NOPCHAP1: variants seen among roughly 807,000 people sequenced by gnomAD.
The protein encoded by NOPCHAP1 is DNA damage-sensitive RNA 1.
Under a neutral mutation model 14.0 loss-of-function variants are expected in NOPCHAP1, and 13 were observed. That is an observed-to-expected ratio of 0.93 (90% CI 0.60 to 1.47). The LOEUF (loss-of-function observed/expected upper bound fraction) is 1.47. NOPCHAP1 is among the 40% of genes most tolerant of loss of function. The probability of loss-of-function intolerance (pLI) is 0.00; values close to 1 mark genes in which losing one functional copy is unlikely to be tolerated. For missense variants in NOPCHAP1, 230 were observed against 226.9 expected (o/e 1.01, Z -0.09); for synonymous variants, 78 against 78.4 (o/e 1.00, Z 0.03).
chr12:105,015,632 C>T lies in NOPCHAP1; in HGVS notation c.*20936C>T, dbSNP rs1873929473. ...CTGGGATGTGAATTGTCCTTTTGTC[C>T]TGCTTATGCACGCTGTATATGTTAC... On this transcript the variant is annotated 3_prime_UTR_variant, in exon 4 of 4. Coordinates refer to ENST00000552951, the MANE Select transcript of NOPCHAP1 (RefSeq NM_152318.3). 1 of 152,218 alleles carries T rather than the reference C, an allele frequency of 6.6e-6. No individual in the cohort carries two copies. The highest frequency in any genetic ancestry group is 1.5e-5 in the Non-Finnish European group (1 of 68,060). The allele number at this position is 152,218 out of a possible 1,614,324, so 9.4% of individuals were successfully genotyped here. A position where few individuals can be genotyped will look rare whatever the true frequency, so the allele number is the denominator to read the frequency against.
chr12:104,986,564 C>T lies in NOPCHAP1; in HGVS notation c.115+97C>T. 5.8e-6 allele frequency: 6 copies of T among 1,025,776 alleles called. No homozygotes were observed. The South Asian group carries it at 1.0e-4, about 17-fold the overall frequency. The allele number at this position is 1,025,776 out of a possible 1,614,324, so 63.5% of individuals were successfully genotyped here. On this transcript the variant is annotated intron_variant, in intron 1 of 3. Transcript: ENST00000552951. Reference sequence around the variant, plus strand: ...GCCGGCCGGTGGCTCCCTGCCCGGGCTCCGTACCCTCGAGGGGAGCCCCGG... The same window carrying T: ...GCCGGCCGGTGGCTCCCTGCCCGGGTTCCGTACCCTCGAGGGGAGCCCCGG...
At chr12:104,989,177 A>G (rs1395799206) in intron 2 of NOPCHAP1, among the ~76,000 whole-genome samples, 2 of 152,056 alleles carry the variant, frequency 1.3e-5, no homozygotes, top group Non-Finnish European at 2.9e-5. Context: ...TTTGTTTCTA[A>G]TGGCTAATAA....
rs35941207 is a variant in NOPCHAP1, at chr12:105,013,531, GAAA to G, written c.*18838_*18840del. 1.9e-5 allele frequency: 3 copies of G among 153,920 alleles called. No homozygotes were observed. Among genetic ancestry groups the G allele is most frequent in the African/African-American group, 7.2e-5 (3 of 41,576 alleles). The allele number at this position is 153,920 out of a possible 1,614,324, so 9.5% of individuals were successfully genotyped here. A position where few individuals can be genotyped will look rare whatever the true frequency, so the allele number is the denominator to read the frequency against. On this transcript the variant is annotated 3_prime_UTR_variant, in exon 4 of 4. Transcript: ENST00000552951. The stretch of plus-strand genomic sequence containing the variant: ...GTTCCAGGCACCACTGGGGTATGAA[GAAA>G]AACTCCTGCAGCTAGCTCGGTGTTT...
At position 105,003,181 on chromosome 12, in the gene NOPCHAP1, G is replaced by A. The variant is rs950305309; in HGVS notation, c.*8485G>A. ...AGCATTTTGGATTCTTTCTTTTGTA[G>A]TGTGCCTTGCAAGTGAACAAGTTTA... On this transcript the variant is annotated 3_prime_UTR_variant, in exon 4 of 4. Transcript: ENST00000552951. 6.6e-6 allele frequency: 1 copy of A among 152,122 alleles called. No homozygotes were observed. Among genetic ancestry groups the A allele is most frequent in the Non-Finnish European group, 1.5e-5 (1 of 68,028 alleles). The allele number at this position is 152,122 out of a possible 1,614,324, so 9.4% of individuals were successfully genotyped here.
In NOPCHAP1 at chr12:105,015,101, T is replaced by C. The variant is rs187255597; in HGVS notation, c.*20405T>C. 6.6e-6 allele frequency: 1 copy of C among 152,356 alleles called. No homozygotes were observed. The highest frequency in any genetic ancestry group is 1.9e-4 in the East Asian group (1 of 5,192). 9.4% of individuals were successfully genotyped at this position (152,356 alleles called of 1,614,324 possible). On this transcript the variant is annotated 3_prime_UTR_variant, in exon 4 of 4. Transcript: ENST00000552951. ...TCCAGGTCCTTTCTGATCTTTCTTA[T>C]TGGAAATTGGAACCAGCTCTCCTTG...
Position 105,016,150 on chromosome 12 carries a change from T to A in NOPCHAP1, c.*21454T>A, listed in dbSNP as rs1213076429. ...TATCTGAAACATGACAGAGTGTCAT[T>A]AATATATCATGGGCTTTTACATTTT... is the stretch of plus-strand genomic sequence containing the variant. On this transcript the variant is annotated 3_prime_UTR_variant, in exon 4 of 4. Coordinates refer to ENST00000552951, the MANE Select transcript of NOPCHAP1 (RefSeq NM_152318.3). The A allele has an allele frequency of 1.3e-5, 2 of 152,160 alleles. No individual in the cohort carries two copies. Among genetic ancestry groups the A allele is most frequent in the African/African-American group, 4.8e-5 (2 of 41,432 alleles). 9.4% of individuals were successfully genotyped at this position (152,160 alleles called of 1,614,324 possible).
intron 3 of NOPCHAP1, among the ~76,000 whole-genome samples, chr12:104,992,786 G>A (rs923835287): frequency 5.9e-5 from 9 of 152,184 alleles, no homozygotes; most frequent in Admixed American, 1.3e-4. Flanking sequence ...GATCCAGGTT[G>A]TTGTGCGCTC....
chr12:104,988,020 G>A (rs1873279706), intron 1 of NOPCHAP1, 147 bp from the exon 2 acceptor site: 1 of 529,118 alleles, frequency 1.9e-6, no homozygotes, highest in South Asian at 3.1e-5. Context: ...ATGTTGTAAT[G>A]GAGCTTGGAG....
chr12:104,991,822 G>C lies in NOPCHAP1; in HGVS notation c.313G>C (p.Gly105Arg). The C allele has an allele frequency of 6.3e-7, 1 of 1,579,060 alleles. No individual in the cohort carries two copies. Among genetic ancestry groups the C allele is most frequent in the Non-Finnish European group, 8.6e-7 (1 of 1,157,598 alleles). The change falls in exon 3 of 4, where the codon GGG becomes CGG. Residue 105 changes from glycine (G) to arginine (R), a missense_variant. Transcript: ENST00000552951. ...TCGTTTCAATATTGAAAACATTGATGGGCCTCATAGTAAAGTTATACAAAT... is the reference window on the plus strand; with the variant it reads ...TCGTTTCAATATTGAAAACATTGATCGGCCTCATAGTAAAGTTATACAAAT... ...PGRFNIENID[G>R]PHSKVIQMDV...
chr12:104,993,190 C>T (rs1461632907), intron 3 of NOPCHAP1, among the ~76,000 whole-genome samples: 3 of 152,128 alleles, frequency 2.0e-5, no homozygotes, highest in Non-Finnish European at 4.4e-5. Flanking sequence ...TATTGCCTTT[C>T]TTTCGCCTCT....
rs1186470939 is a variant in NOPCHAP1 at position 105,015,947 on chromosome 12, C to A, written c.*21251C>A. The A allele has an allele frequency of 6.7e-6, 1 of 148,164 alleles. No homozygotes were observed. Among genetic ancestry groups the A allele is most frequent in the Non-Finnish European group, 1.5e-5 (1 of 67,418 alleles). 9.2% of individuals were successfully genotyped at this position (148,164 alleles called of 1,614,324 possible). On this transcript the variant is annotated 3_prime_UTR_variant, in exon 4 of 4. Transcript: ENST00000552951. ...AAAAGAAATTATAAGAGTTCCATAC[C>A]GAAATGCAGGTTTATATTTAGTAAA...
chr12:105,000,090 A>C lies in NOPCHAP1; in HGVS notation c.*5394A>C, dbSNP rs534424831. On this transcript the variant is annotated 3_prime_UTR_variant, in exon 4 of 4. Coordinates refer to ENST00000552951, the MANE Select transcript of NOPCHAP1 (RefSeq NM_152318.3). ...AGTGGAAAAGCACCTTACTATATTT[A>C]ATCCAATGACATTATACAAATAATC... 2.6e-5 allele frequency: 4 copies of C among 152,322 alleles called. No individual in the cohort carries two copies. The highest frequency in any genetic ancestry group is 9.6e-5 in the African/African-American group (4 of 41,576). 9.4% of individuals were successfully genotyped at this position (152,322 alleles called of 1,614,324 possible).
chr12:105,013,432 T>C lies in NOPCHAP1; in HGVS notation c.*18736T>C, dbSNP rs2136034428. ...TTGCTGGGCTCTGTGGGGGTGGGAT[T>C]TGCTAAGCTTGACCACTTGGCTTTC... is the stretch of plus-strand genomic sequence containing the variant. On this transcript the variant is annotated 3_prime_UTR_variant, in exon 4 of 4. Transcript: ENST00000552951. 6.6e-6 allele frequency: 1 copy of C among 152,518 alleles called. No individual in the cohort carries two copies. Among genetic ancestry groups the C allele is most frequent in the South Asian group, 2.1e-4 (1 of 4,828 alleles). The allele number at this position is 152,518 out of a possible 1,614,324, so 9.4% of individuals were successfully genotyped here.
At position 104,994,526 on chromosome 12, in the gene NOPCHAP1, A is replaced by G. The variant is rs764815193; in HGVS notation, c.388A>G (p.Ser130Gly). ...MNQSDSKEVD[S>G]SEESSQDSSE... is the part of the protein sequence containing the mutation. ...TCAGTCGGATTCAAAAGAAGTGGAC[A>G]GTTCAGAAGAGAGTTCACAAGACAG... Residue 130 changes from serine to glycine, a missense_variant, in exon 4 of 4, where the codon AGT becomes GGT. Coordinates refer to ENST00000552951, the MANE Select transcript of NOPCHAP1 (RefSeq NM_152318.3). 1 of 1,613,564 alleles carries G rather than the reference A, an allele frequency of 6.2e-7. No homozygotes were observed. Among genetic ancestry groups the G allele is most frequent in the Non-Finnish European group, 8.5e-7 (1 of 1,179,706 alleles).
At position 105,008,465 on chromosome 12, in the gene NOPCHAP1, T is replaced by A. The variant is rs1258625752; in HGVS notation, c.*13769T>A. On this transcript the variant is annotated 3_prime_UTR_variant, in exon 4 of 4. Transcript: ENST00000552951. ...TCACTCTGATGATAGTTTATTTTGCTGTGCAGAAGCTCTTTAGTTTAATTA... is the reference window on the plus strand; with the variant it reads ...TCACTCTGATGATAGTTTATTTTGCAGTGCAGAAGCTCTTTAGTTTAATTA... 6.6e-6 allele frequency: 1 copy of A among 152,260 alleles called. No individual in the cohort carries two copies. Among genetic ancestry groups the A allele is most frequent in the African/African-American group, 2.4e-5 (1 of 41,470 alleles). The allele number at this position is 152,260 out of a possible 1,614,324, so 9.4% of individuals were successfully genotyped here. A position where few individuals can be genotyped will look rare whatever the true frequency, so the allele number is the denominator to read the frequency against.
In NOPCHAP1 at chr12:104,991,840, A is replaced by G. The variant is rs999687757; in HGVS notation, c.331A>G (p.Ile111Val). 3.7e-6 allele frequency: 6 copies of G among 1,607,498 alleles called. No individual in the cohort carries two copies. In the African/African-American group the frequency reaches 5.4e-5, roughly 14 times the overall value. The change falls in exon 3 of 4, where the codon ATA becomes GTA. Residue 111 changes from isoleucine (I) to valine (V), a missense_variant. Physicochemically the swap from Ile to Val is conservative, Grantham distance 29. Coordinates refer to ENST00000552951, the MANE Select transcript of NOPCHAP1 (RefSeq NM_152318.3). Reference protein sequence around the residue: ...ENIDGPHSKVIQMDVALFEMN... With the variant: ...ENIDGPHSKVVQMDVALFEMN... ...CATTGATGGGCCTCATAGTAAAGTT[A>G]TACAAATGGTAACTATGCTTTGTTT...
At chr12:104,991,388 C>T (rs1312801334) in intron 2 of NOPCHAP1, among the ~76,000 whole-genome samples, 1 of 152,164 alleles carries the variant, frequency 6.6e-6, no homozygotes, top group Non-Finnish European at 1.5e-5. Flanking sequence ...GTTATTCGTA[C>T]CCTAAAGCCT....
chr12:104,986,398 C>G lies in NOPCHAP1; in HGVS notation c.46C>G (p.Pro16Ala). The G allele has an allele frequency of 6.2e-7, 1 of 1,611,894 alleles. No homozygotes were observed. The highest frequency in any genetic ancestry group is 8.5e-7 in the Non-Finnish European group (1 of 1,179,204). The change falls in exon 1 of 4, where the codon CCC becomes GCC. Residue 16 changes from proline to alanine, a missense_variant. By Grantham distance (27) the Pro-to-Ala change is conservative. Transcript: ENST00000552951. ...KPKASPSCSS[P>A]TRDSSGVPVS... Reference sequence around the variant, plus strand: ...CAAGGCTAGCCCGAGTTGTTCGTCGCCCACCCGGGATTCCTCAGGAGTCCC... The same window carrying G: ...CAAGGCTAGCCCGAGTTGTTCGTCGGCCACCCGGGATTCCTCAGGAGTCCC...
Position 104,988,157 on chromosome 12 carries a change from G to T in NOPCHAP1, c.116-10G>T, listed in dbSNP as rs764087066. The T allele has an allele frequency of 6.3e-7, 1 of 1,597,110 alleles. No individual in the cohort carries two copies. Among genetic ancestry groups the T allele is most frequent in the Non-Finnish European group, 8.6e-7 (1 of 1,165,788 alleles). Reference sequence around the variant, plus strand: ...GTAAATTAAGGGTGTTTGTGTGTCTGTATTTTCAGGTATATGGGACAGGTT... The same window carrying T: ...GTAAATTAAGGGTGTTTGTGTGTCTTTATTTTCAGGTATATGGGACAGGTT... On this transcript the variant is annotated splice_polypyrimidine_tract_variant and intron_variant, in intron 1 of 3. Coordinates refer to ENST00000552951, the MANE Select transcript of NOPCHAP1 (RefSeq NM_152318.3).
Sources: allele counts gnomAD v4.1 joint callset (sites outside exome capture counted in the v4.1 genomes callset), GRCh38; gene constraint gnomAD v4.1.1; transcripts MANE v1.5; gene names NCBI Gene and HGNC (gene_info 2026-07-23, HGNC 2026-07-21).